CD109: variants seen among roughly 807,000 people sequenced by gnomAD.
The protein encoded by CD109 is CD109 antigen.
A neutral mutation model predicts 165.8 loss-of-function variants in CD109; 149 were observed. The observed-to-expected ratio is 0.90, with a 90% CI of 0.79 to 1.03. The LOEUF (loss-of-function observed/expected upper bound fraction) is 1.03, where lower values mean the gene tolerates loss of function less well. Ranked by LOEUF, CD109 falls within the 50% of genes least tolerant of loss-of-function variation. The pLI is 0.00. For synonymous variants in CD109, 585 were observed against 592.1 expected (o/e 0.99, Z 0.18); for missense variants, 1,712 against 1,677.8 (o/e 1.02, Z -0.36).
chr6:73,716,356 C>G (rs937417269), intron 2 of CD109, among the ~76,000 whole-genome samples: 3 of 152,196 alleles, frequency 2.0e-5, no homozygotes, highest in Non-Finnish European at 2.9e-5. Flanking sequence ...AACCTCCAAA[C>G]TGTTCTCCAT....
chr6:73,778,435 G>C (rs892650760), intron 15 of CD109, among the ~76,000 whole-genome samples: 1 of 152,046 alleles, frequency 6.6e-6, no homozygotes, highest in Non-Finnish European at 1.5e-5. Flanking sequence ...AGAACTTCTA[G>C]TACTATGTTG....
At chr6:73,774,777 G>GAA (rs1179418529) in intron 15 of CD109, among the ~76,000 whole-genome samples, 3 of 152,148 alleles carry the variant, frequency 2.0e-5, no homozygotes, top group African/African-American at 7.2e-5. Flanking sequence ...TTCTGCCTTA[G>GAA]ACTGAAGCGA....
chr6:73,778,856 A>G (rs1277251647), intron 15 of CD109, among the ~76,000 whole-genome samples: 1 of 151,904 alleles, frequency 6.6e-6, no homozygotes, highest in Non-Finnish European at 1.5e-5. Flanking sequence ...GTTAATGTAA[A>G]TTTTTAGGGA....
intron 2 of CD109, among the ~76,000 whole-genome samples, chr6:73,721,544 T>C (rs1026485995): frequency 6.6e-6 from 1 of 151,654 alleles, no homozygotes; most frequent in African/African-American, 2.4e-5. Context: ...TTTGGTATTT[T>C]TAGTAGAGAT....
At chr6:73,721,366 CTTT>C (rs200895014) in intron 2 of CD109, among the ~76,000 whole-genome samples, 13 of 138,702 alleles carry the variant, frequency 9.4e-5, no homozygotes, top group Admixed American at 3.6e-4. Flanking sequence ...ATTTTTATTT[CTTT>C]TTTTTTTTTT....
At chr6:73,758,081 G>A (rs564633122) in intron 6 of CD109, among the ~76,000 whole-genome samples, 1 of 152,200 alleles carries the variant, frequency 6.6e-6, no homozygotes, top group Admixed American at 6.5e-5. Context: ...GTTGACTCAC[G>A]TGACTTTTTG....
At chr6:73,731,449 C>T (rs1389605903) in intron 4 of CD109, among the ~76,000 whole-genome samples, 1 of 152,194 alleles carries the variant, frequency 6.6e-6, no homozygotes, top group Non-Finnish European at 1.5e-5. Flanking sequence ...TGAGGGGGAG[C>T]TTGTTTGGCG....
At chr6:73,814,219 AG>A (rs528557649) in intron 29 of CD109, among the ~76,000 whole-genome samples, 2 of 152,076 alleles carry the variant, frequency 1.3e-5, no homozygotes, top group Non-Finnish European at 2.9e-5. Context: ...ATAAGTTAAA[AG>A]AAAACACAAC....
chr6:73,682,749 AT>A, the CD109 span, among the ~76,000 whole-genome samples: 6 of 152,236 alleles, frequency 3.9e-5, no homozygotes, highest in Non-Finnish European at 5.9e-5. Flanking sequence ...GCATCCAGGC[AT>A]TTTTATACAT....
chr6:73,804,567 C>T (rs1028844552), intron 24 of CD109, among the ~76,000 whole-genome samples: 8 of 152,096 alleles, frequency 5.3e-5, no homozygotes, highest in Admixed American at 1.3e-4. Flanking sequence ...TGGGTTGGTG[C>T]ACACATAAAC....
At chr6:73,740,566 TG>T (rs1275623940) in intron 5 of CD109, among the ~76,000 whole-genome samples, 10 of 151,908 alleles carry the variant, frequency 6.6e-5, no homozygotes, top group Non-Finnish European at 1.0e-4. Flanking sequence ...GTAATTATTT[TG>T]GTCTAGTATG....
intron 23 of CD109, among the ~76,000 whole-genome samples, chr6:73,798,958 C>A (rs1046309586): frequency 3.9e-5 from 6 of 152,088 alleles, no homozygotes; most frequent in African/African-American, 1.4e-4. Flanking sequence ...AACCTATTTT[C>A]TTTTTTCTTC....
the CD109 span, among the ~76,000 whole-genome samples, chr6:73,688,567 G>C: frequency 7.9e-5 from 12 of 152,150 alleles, no homozygotes; most frequent in African/African-American, 2.9e-4. Context: ...GTACTAATGA[G>C]GTAACTCTTG....
chr6:73,752,065 T>A (rs1773210914), intron 5 of CD109, among the ~76,000 whole-genome samples: 2 of 152,210 alleles, frequency 1.3e-5, no homozygotes, highest in South Asian at 4.1e-4. Context: ...AAAAGGTACA[T>A]CCAGACACTG....
At chr6:73,770,965 C>T (rs1160101677) in intron 14 of CD109, among the ~76,000 whole-genome samples, 1 of 152,130 alleles carries the variant, frequency 6.6e-6, no homozygotes, top group Non-Finnish European at 1.5e-5. Flanking sequence ...TTGGAAAGGC[C>T]ACCCCTCACC....
At chr6:73,698,608 A>G (rs1265753469) in intron 2 of CD109, among the ~76,000 whole-genome samples, 5 of 152,248 alleles carry the variant, frequency 3.3e-5, no homozygotes, top group Non-Finnish European at 4.4e-5. Context: ...AATGAACACC[A>G]TCATGAAATG....
At chr6:73,756,514 G>A in intron 5 of CD109, 129 bp from the exon 6 acceptor site, 1 of 624,512 alleles carries the variant, frequency 1.6e-6, no homozygotes, top group Admixed American at 3.6e-5. Context: ...AAACAAGTTT[G>A]TTCATTGCAT....
At chr6:73,682,083 G>T in the CD109 span, among the ~76,000 whole-genome samples, 2 of 151,830 alleles carry the variant, frequency 1.3e-5, no homozygotes, top group African/African-American at 4.8e-5. Context: ...ATTCCACCCC[G>T]GCCCCTCCCA....
intron 23 of CD109, among the ~76,000 whole-genome samples, chr6:73,798,110 GTTT>G (rs57382539): frequency 7.0e-6 from 1 of 142,518 alleles, no homozygotes. Context: ...TCAGTGTCCT[GTTT>G]TTTTTTTTTT....
Sources: allele counts gnomAD v4.1 joint callset (sites outside exome capture counted in the v4.1 genomes callset), GRCh38; gene constraint gnomAD v4.1.1; transcripts MANE v1.5; gene names NCBI Gene and HGNC (gene_info 2026-07-23, HGNC 2026-07-21).